Variants in NAA35 observed in about 807,000 individuals in gnomAD.
NAA35 encodes MAK10 homolog, amino-acid N-acetyltransferase subunit.
A neutral mutation model predicts 101.7 loss-of-function variants in NAA35; 18 were observed. The observed-to-expected ratio is 0.18, with a 90% CI of 0.12 to 0.26. The LOEUF is 0.26. NAA35 is among the 10% of genes least tolerant of loss of function. The pLI, the probability that NAA35 is intolerant of heterozygous loss-of-function variation, is 1.00. For synonymous variants in NAA35, 267 were observed against 273.1 expected (o/e 0.98, Z 0.22); for missense variants, 601 against 886.8 (o/e 0.68, Z 4.09).
At chr9:86,009,042 T>C (rs942709059) in intron 14 of NAA35, among the ~76,000 whole-genome samples, 1 of 152,190 alleles carries the variant, frequency 6.6e-6, no homozygotes, top group Non-Finnish European at 1.5e-5. Flanking sequence ...ATGACAGTCA[T>C]CTCCTTGTTA....
chr9:85,998,049 G>A (rs960969912), intron 12 of NAA35, among the ~76,000 whole-genome samples: 1 of 152,036 alleles, frequency 6.6e-6, no homozygotes, highest in African/African-American at 2.4e-5. Context: ...CGAGTAGCTG[G>A]GACTACAGGC....
intron 12 of NAA35, among the ~76,000 whole-genome samples, chr9:85,997,362 T>C (rs1472339289): frequency 2.0e-5 from 3 of 150,650 alleles, no homozygotes; most frequent in South Asian, 2.1e-4. Context: ...TTTTTTTTGA[T>C]AGGGGGTTTC....
chr9:85,951,651 G>T (rs1197623683), intron 2 of NAA35, among the ~76,000 whole-genome samples: 1 of 152,116 alleles, frequency 6.6e-6, no homozygotes, highest in Non-Finnish European at 1.5e-5. Flanking sequence ...AAGTTATGCA[G>T]ATCTTCCAAA....
intron 6 of NAA35, among the ~76,000 whole-genome samples, chr9:85,971,948 C>T (rs1184049004): frequency 6.6e-6 from 1 of 152,006 alleles, no homozygotes; most frequent in East Asian, 1.9e-4. Context: ...TCTGATCTCC[C>T]TAGTTTCACT....
chr9:85,971,531 T>C (rs565906481), intron 6 of NAA35, among the ~76,000 whole-genome samples: 16 of 152,230 alleles, frequency 1.1e-4, no homozygotes, highest in Non-Finnish European at 1.8e-4. Context: ...CAACTAACTA[T>C]ACAATGATGA....
At chr9:85,988,737 A>C (rs1386029942) in intron 11 of NAA35, among the ~76,000 whole-genome samples, 1 of 151,762 alleles carries the variant, frequency 6.6e-6, no homozygotes, top group East Asian at 1.9e-4. Flanking sequence ...CGGAGGTTGC[A>C]GTGAGCCGAG....
chr9:85,957,075 C>T (rs371749058), intron 3 of NAA35, among the ~76,000 whole-genome samples: 1 of 152,116 alleles, frequency 6.6e-6, no homozygotes, highest in Admixed American at 6.5e-5. Context: ...CGACCCACCC[C>T]CTCACAGTCA....
At chr9:85,941,533 A>G (rs939036765) in intron 1 of NAA35, 1 of 985,428 alleles carries the variant, frequency 1.0e-6, no homozygotes, top group African/African-American at 1.7e-5. Context: ...GTCCTTGCTT[A>G]TGCGCCCAGT....
At chr9:85,996,337 C>T in intron 11 of NAA35, 62 bp from the exon 12 acceptor site, 1 of 1,092,706 alleles carries the variant, frequency 9.2e-7, no homozygotes, top group Non-Finnish European at 1.3e-6. Context: ...TATTTAATAA[C>T]ATTTGCAGTT....
intron 9 of NAA35, 141 bp from the exon 10 acceptor site, chr9:85,977,222 G>A (rs149233670): frequency 1.5e-6 from 1 of 660,630 alleles, no homozygotes; most frequent in Non-Finnish European, 2.7e-6. Flanking sequence ...TCATTTTTCA[G>A]GCTTTTAAAA....
intron 14 of NAA35, among the ~76,000 whole-genome samples, chr9:86,008,526 C>G (rs986926634): frequency 1.3e-5 from 2 of 152,146 alleles, no homozygotes; most frequent in African/African-American, 4.8e-5. Context: ...CAGAAATACA[C>G]ATAAAATAAG....
chr9:86,001,806 T>C (rs1476735755), intron 12 of NAA35, among the ~76,000 whole-genome samples: 1 of 152,162 alleles, frequency 6.6e-6, no homozygotes, highest in Non-Finnish European at 1.5e-5. Context: ...CATCAGTACG[T>C]CTTGCTTTTT....
At chr9:86,013,464 A>G (rs995135053) in intron 16 of NAA35, among the ~76,000 whole-genome samples, 2 of 152,228 alleles carry the variant, frequency 1.3e-5, no homozygotes, top group African/African-American at 2.4e-5. Context: ...AGCAATATTG[A>G]TAAGACCTGA....
chr9:85,962,203 A>T (rs1328857165), intron 6 of NAA35, 23 bp downstream of exon 6: 1 of 1,609,090 alleles, frequency 6.2e-7, no homozygotes, highest in Non-Finnish European at 8.5e-7. Flanking sequence ...AATGTAAGAA[A>T]TCCTTGGCCA....
chr9:86,003,816 C>G (rs1213443086), intron 13 of NAA35, among the ~76,000 whole-genome samples, 172 bp downstream of exon 13: 2 of 151,914 alleles, frequency 1.3e-5, no homozygotes, highest in Non-Finnish European at 2.9e-5. Flanking sequence ...CCATCAAGAT[C>G]ATATCCTAGG....
chr9:85,999,048 C>G (rs765095572), intron 12 of NAA35, among the ~76,000 whole-genome samples: 7 of 152,182 alleles, frequency 4.6e-5, no homozygotes, highest in African/African-American at 7.2e-5. Flanking sequence ...CAGCTTAAGT[C>G]TTCATTCCTT....
At chr9:85,948,516 G>A (rs545890654) in intron 2 of NAA35, among the ~76,000 whole-genome samples, 2 of 152,016 alleles carry the variant, frequency 1.3e-5, no homozygotes, top group Admixed American at 1.3e-4. Context: ...ATCAGCCTGG[G>A]GTGTCTTTTC....
chr9:85,977,029 C>T (rs570495582), intron 9 of NAA35, among the ~76,000 whole-genome samples: 2 of 152,194 alleles, frequency 1.3e-5, no homozygotes, highest in East Asian at 3.9e-4. Flanking sequence ...GAACCTTTGT[C>T]GAGATTCTAA....
chr9:85,941,389 C>G (rs1377899618), intron 1 of NAA35, 116 bp downstream of exon 1: 1 of 985,360 alleles, frequency 1.0e-6, no homozygotes, highest in Non-Finnish European at 1.2e-6. Flanking sequence ...GGCCCCGGCC[C>G]TCCCGCTGCG....
Sources: allele counts gnomAD v4.1 joint callset (sites outside exome capture counted in the v4.1 genomes callset), GRCh38; gene constraint gnomAD v4.1.1; transcripts MANE v1.5; gene names NCBI Gene and HGNC (gene_info 2026-07-23, HGNC 2026-07-21).